Variants in ZNF583 observed in about 807,000 individuals in gnomAD.
ZNF583 encodes zinc finger protein 583.
Under a neutral mutation model 55.3 loss-of-function variants are expected in ZNF583, and 30 were observed. The observed-to-expected ratio is 0.54, with a 90% confidence interval of 0.41 to 0.74. The LOEUF is 0.74. ZNF583 is among the 30% of genes least tolerant of loss of function. The pLI is 0.00. For synonymous variants in ZNF583, 208 were observed against 220.0 expected (o/e 0.95, Z 0.48); for missense variants, 504 against 664.7 (o/e 0.76, Z 2.66).
intron 2 of ZNF583, among the ~76,000 whole-genome samples, chr19:56,407,705 TC>T (rs2042176641): frequency 6.6e-6 from 1 of 152,186 alleles, no homozygotes; most frequent in Non-Finnish European, 1.5e-5. Context: ...TTAGGGACAT[TC>T]TGAGTGTCCA....
Position 56,407,082 on chromosome 19 carries a change from G to A in ZNF583, c.-33G>A. On this transcript the variant is annotated 5_prime_UTR_variant, in exon 2 of 5. Transcript: ENST00000333201. ...ACAGAGGAGCTGAAGGAGTAGGACA[G>A]AAGAACTGTCAAATTCTGGAATCCT... is the stretch of plus-strand genomic sequence containing the variant. 1 of 1,614,060 alleles carries A rather than the reference G, an allele frequency of 6.2e-7. No homozygotes were observed. The highest frequency in any genetic ancestry group is 8.5e-7 in the Non-Finnish European group (1 of 1,179,940).
In ZNF583 at chr19:56,424,157, C is replaced by T. The variant is rs767966457; in HGVS notation, c.1499C>T (p.Ala500Val). The T allele has an allele frequency of 5.0e-6, 8 of 1,611,876 alleles. No homozygotes were observed. The highest frequency in any genetic ancestry group is 3.3e-5 in the South Asian group (3 of 90,894). The change falls in exon 5 of 5, where the codon GCA becomes GTA. Residue 500 changes from alanine to valine, a missense_variant. Transcript: ENST00000333201. ...TATGAATGTAATGTTTGTGGGAAAG[C>T]ATTTAGCTATAGTGGATCTCTTACT... ...KPYECNVCGKAFSYSGSLTLH... is the reference protein window; with the variant it reads ...KPYECNVCGKVFSYSGSLTLH...
In ZNF583 at chr19:56,423,445, A is replaced by G; in HGVS notation, c.787A>G (p.Thr263Ala). Residue 263 changes from threonine (T) to alanine (A), a missense_variant, in exon 5 of 5, where the codon ACT becomes GCT. Around this residue, in one of 3 missense-constraint regions of ZNF583, gnomAD observed 237 missense variants for 373.0 expected, o/e 0.64. Transcript: ENST00000333201. Reference sequence around the variant, plus strand: ...CTTGGCGCAACATAAGAGAATACATACTGGAGAGAAACCCTATGAATGTAA... The same window carrying G: ...CTTGGCGCAACATAAGAGAATACATGCTGGAGAGAAACCCTATGAATGTAA... ...ANLAQHKRIH[T>A]GEKPYECKEC... 6.2e-7 allele frequency: 1 copy of G among 1,614,056 alleles called. No individual in the cohort carries two copies. Among genetic ancestry groups the G allele is most frequent in the South Asian group, 1.1e-5 (1 of 91,078 alleles).
intron 2 of ZNF583, among the ~76,000 whole-genome samples, chr19:56,409,275 A>C (rs1253822617): frequency 1.3e-5 from 2 of 152,254 alleles, no homozygotes; most frequent in African/African-American, 4.8e-5. Flanking sequence ...ATAGGCATTC[A>C]GATGAATTCC....
chr19:56,424,039 G>GA lies in ZNF583; in HGVS notation c.1386dup (p.Pro463ThrfsTer5). ...ACAACATCAGAGAAGTCATACTGGAGAAAAACCCTATATGTGTAAGGAATG... is the reference window on the plus strand; with the variant it reads ...ACAACATCAGAGAAGTCATACTGGAGAAAAAACCCTATATGTGTAAGGAATG... On this transcript the variant is annotated frameshift_variant, in exon 5 of 5. Coordinates refer to ENST00000333201, the MANE Select transcript of ZNF583 (RefSeq NM_152478.3). LOFTEE classifies it high-confidence loss of function. 6.2e-7 allele frequency: 1 copy of GA among 1,614,040 alleles called. No homozygotes were observed. The highest frequency in any genetic ancestry group is 8.5e-7 in the Non-Finnish European group (1 of 1,179,992).
chr19:56,406,530 C>CTTTT (rs34274240), intron 1 of ZNF583, among the ~76,000 whole-genome samples: 22 of 115,210 alleles, frequency 1.9e-4, no homozygotes, highest in Non-Finnish European at 3.1e-4. Flanking sequence ...ATGTTGTATT[C>CTTTT]TTTTTTTTTT....
chr19:56,407,209 G>T, intron 2 of ZNF583, 86 bp downstream of exon 2: 1 of 1,487,506 alleles, frequency 6.7e-7, no homozygotes, highest in Non-Finnish European at 9.4e-7. Context: ...CCAAAATTCT[G>T]CAACCTAATA....
chr19:56,412,016 C>T (rs2042246390), intron 2 of ZNF583, among the ~76,000 whole-genome samples: 1 of 152,116 alleles, frequency 6.6e-6, no homozygotes, highest in Non-Finnish European at 1.5e-5. Flanking sequence ...TGACAACCAA[C>T]AAGGCAAAGG....
chr19:56,414,161 G>T, intron 3 of ZNF583, 76 bp downstream of exon 3: 1 of 1,543,994 alleles, frequency 6.5e-7, no homozygotes, highest in Non-Finnish European at 8.8e-7. Context: ...AACCTCTGAC[G>T]TGCTTCACTA....
At chr19:56,405,975 A>T (rs1301952185) in intron 1 of ZNF583, among the ~76,000 whole-genome samples, 1 of 152,178 alleles carries the variant, frequency 6.6e-6, no homozygotes, top group Non-Finnish European at 1.5e-5. Flanking sequence ...ATGCCACTTC[A>T]TAGGTAATGG....
chr19:56,410,732 T>G (rs1217018256), intron 2 of ZNF583, among the ~76,000 whole-genome samples: 1 of 151,616 alleles, frequency 6.6e-6, no homozygotes, highest in African/African-American at 2.4e-5. Flanking sequence ...CAACAAAAAT[T>G]AAGATTTACC....
chr19:56,404,939 T>TG lies in ZNF583; in HGVS notation c.-90+488dup, dbSNP rs2042121901. 6.6e-6 allele frequency among the ~76,000 whole-genome samples: 1 copy of TG among 152,128 alleles called. No individual in the cohort carries two copies. On this transcript the variant is annotated intron_variant, in intron 1 of 4. Coordinates refer to ENST00000333201, the MANE Select transcript of ZNF583 (RefSeq NM_152478.3). This position sits in a 1 kb window ranked among gnomAD's most constrained non-coding sequence, Gnocchi z 5.2. ...AGACCATGTCACTGTGTGTGTGACC[T>TG]GTGTGTGTGGGATAATGTAAGACTG...
intron 1 of ZNF583, among the ~76,000 whole-genome samples, chr19:56,406,209 G>A (rs1333682842): frequency 6.6e-6 from 1 of 152,168 alleles, no homozygotes; most frequent in Non-Finnish European, 1.5e-5. Context: ...ACACTACATG[G>A]ACCCTCTGAT....
Position 56,425,394 on chromosome 19 carries a change from G to T in ZNF583, c.*1026G>T, listed in dbSNP as rs545151202. On this transcript the variant is annotated 3_prime_UTR_variant, in exon 5 of 5. Coordinates refer to ENST00000333201, the MANE Select transcript of ZNF583 (RefSeq NM_152478.3). The stretch of plus-strand genomic sequence containing the variant: ...CCAGCTAATTTTTGTATTTTTAGTA[G>T]AGAGAGGGTTTTGACATGTCGGCCA... 3.3e-5 allele frequency: 5 copies of T among 152,264 alleles called. No individual in the cohort carries two copies. The East Asian group carries it at 7.7e-4, about 24-fold the overall frequency. The allele number at this position is 152,264 out of a possible 1,614,324, so 9.4% of individuals were successfully genotyped here. A position where few individuals can be genotyped will look rare whatever the true frequency, so the allele number is the denominator to read the frequency against.
intron 1 of ZNF583, among the ~76,000 whole-genome samples, chr19:56,406,132 C>T (rs1023377886): frequency 3.3e-5 from 5 of 152,204 alleles, no homozygotes; most frequent in Non-Finnish European, 5.9e-5. Context: ...GATTAGTTTT[C>T]AGTTGTGGGT....
intron 4 of ZNF583, 150 bp from the exon 5 acceptor site, chr19:56,422,741 A>G (rs1025705571): frequency 3.7e-6 from 2 of 534,688 alleles, no homozygotes; most frequent in East Asian, 6.5e-5. Flanking sequence ...AACTCTCTTA[A>G]ATTCTTATTA....
At chr19:56,411,399 A>G (rs1203069156) in intron 2 of ZNF583, among the ~76,000 whole-genome samples, 1 of 152,268 alleles carries the variant, frequency 6.6e-6, no homozygotes, top group Non-Finnish European at 1.5e-5. Context: ...AAATTAAATC[A>G]AAGTAAATAT....
chr19:56,406,806 C>A (rs899219842), intron 1 of ZNF583, among the ~76,000 whole-genome samples: 1 of 151,378 alleles, frequency 6.6e-6, no homozygotes, highest in African/African-American at 2.4e-5. Context: ...GGATTACAGG[C>A]GTGAGCCACC....
intron 4 of ZNF583, among the ~76,000 whole-genome samples, chr19:56,416,295 A>C (rs2042320559): frequency 1.3e-5 from 2 of 149,742 alleles, no homozygotes; most frequent in South Asian, 4.3e-4. Flanking sequence ...ACTGAACTTT[A>C]GCCTGGGAGA....
Sources: gnomAD v4.1 joint callset for allele counts (sites outside exome capture counted in the v4.1 genomes callset) on GRCh38, gnomAD v4.1.1 for gene constraint, gnomAD v4.1.1 regional missense constraint, Gnocchi (gnomAD v3.1) non-coding constraint, MANE v1.5 for transcripts, NCBI Gene and HGNC (gene_info 2026-07-23, HGNC 2026-07-21) for gene names.